Variants in ITGA4 observed in about 807,000 individuals in gnomAD.
ITGA4 encodes the protein integrin subunit alpha 4.
Under a neutral mutation model 133.6 loss-of-function variants are expected in ITGA4, and 63 were observed. The observed-to-expected ratio is 0.47, with a 90% CI of 0.38 to 0.58. The LOEUF is 0.58. Ranked by LOEUF, ITGA4 falls within the 20% of genes least tolerant of loss-of-function variation. The pLI is 0.00. For missense variants in ITGA4, 1,076 were observed against 1,252.7 expected, an observed-to-expected ratio of 0.86 and a Z score of 2.13; for synonymous variants, 483 against 438.0, an observed-to-expected ratio of 1.10 and a Z score of -1.28.
At chr2:181,505,498 A>G (rs539930344) in intron 15 of ITGA4, among the ~76,000 whole-genome samples, 72 of 152,146 alleles carry the variant, frequency 4.7e-4, no homozygotes, top group African/African-American at 1.7e-3. Flanking sequence ...GTGGCATGGA[A>G]TCTTCATTAT....
intron 15 of ITGA4, among the ~76,000 whole-genome samples, chr2:181,507,279 A>G (rs1215636987): frequency 6.6e-6 from 1 of 152,098 alleles, no homozygotes; most frequent in African/African-American, 2.4e-5. Context: ...GATCATTTCT[A>G]CTTTTAATTT....
intron 9 of ITGA4, among the ~76,000 whole-genome samples, chr2:181,483,490 T>C (rs1685850098): frequency 6.6e-6 from 1 of 152,210 alleles, no homozygotes. Context: ...CAAGAAAGTA[T>C]TTGTAACTAT....
chr2:181,535,089 A>G (rs1032149682), intron 27 of ITGA4, among the ~76,000 whole-genome samples, 154 bp downstream of exon 27: 2 of 151,828 alleles, frequency 1.3e-5, no homozygotes, highest in African/African-American at 4.9e-5. Context: ...CTTCAACACC[A>G]AAGTCTTTCT....
intron 17 of ITGA4, 54 bp from the exon 18 acceptor site, chr2:181,522,137 G>C (rs866163237): frequency 1.8e-6 from 2 of 1,118,828 alleles, no homozygotes; most frequent in Non-Finnish European, 2.6e-6. Context: ...GCATATAAGA[G>C]AGAGGGATTT....
At position 181,534,797 on chromosome 2, in the gene ITGA4, T is replaced by C; in HGVS notation, c.2884-19T>C. On this transcript the variant is annotated intron_variant, in intron 26 of 27. Coordinates refer to ENST00000397033, the MANE Select transcript of ITGA4 (RefSeq NM_000885.6). ...TTTTTTTTTTGGTTTTTGAGTTTTA[T>C]TTTTCTTAACTCACGTAGGTTCTAC... The C allele has an allele frequency of 6.4e-7, 1 of 1,574,212 alleles. No homozygotes were observed. The highest frequency in any genetic ancestry group is 8.6e-7 in the Non-Finnish European group (1 of 1,166,774).
intron 14 of ITGA4, 57 bp from the exon 15 acceptor site, chr2:181,498,566 A>T (rs1686204511): frequency 4.6e-6 from 5 of 1,097,046 alleles, no homozygotes; most frequent in Non-Finnish European, 6.6e-6. Flanking sequence ...CACTTCAAAA[A>T]TAACAATAGA....
chr2:181,477,336 T>C (rs1213303130), intron 4 of ITGA4, among the ~76,000 whole-genome samples: 1 of 151,850 alleles, frequency 6.6e-6, no homozygotes, highest in Non-Finnish European at 1.5e-5. Context: ...CACCAAAAGC[T>C]CAAACAACAA....
intron 2 of ITGA4, among the ~76,000 whole-genome samples, chr2:181,467,696 C>A (rs536694025): frequency 1.3e-5 from 2 of 152,238 alleles, no homozygotes; most frequent in African/African-American, 4.8e-5. Flanking sequence ...CAGCTAAAAG[C>A]TTCAGAAAGT....
chr2:181,520,575 C>T (rs1686696747), intron 17 of ITGA4, among the ~76,000 whole-genome samples: 1 of 151,942 alleles, frequency 6.6e-6, no homozygotes, highest in Admixed American at 6.6e-5. Flanking sequence ...AAACTCAATC[C>T]AAGTGAATTT....
In ITGA4 at chr2:181,482,429, T is replaced by C. The variant is rs770643312; in HGVS notation, c.903+7T>C. 7 of 1,613,024 alleles carry C rather than the reference T, an allele frequency of 4.3e-6. No individual in the cohort carries two copies. The East Asian group carries it at 1.1e-4, about 26-fold the overall frequency. ...TGAAATGAAAGGTAAAAAGGTAATATGTCTCTACCTTTAGTATCTCTGTGG... is the reference window on the plus strand; with the variant it reads ...TGAAATGAAAGGTAAAAAGGTAATACGTCTCTACCTTTAGTATCTCTGTGG... On this transcript the variant is annotated splice_region_variant and intron_variant, in intron 8 of 27. Coordinates refer to ENST00000397033, the MANE Select transcript of ITGA4 (RefSeq NM_000885.6).
chr2:181,465,553 A>G (rs778408237), intron 2 of ITGA4, among the ~76,000 whole-genome samples: 9 of 152,278 alleles, frequency 5.9e-5, no homozygotes, highest in Non-Finnish European at 7.4e-5. Context: ...AAAGATAGAC[A>G]AAGTGGCATC....
Position 181,458,258 on chromosome 2 carries a change from C to A in ITGA4, c.260C>A (p.Ala87Glu). ...AACGCTTCAGTGATCAATCCCGGGGCGATTTACAGATGCAGGATCGGAAAG... is the reference window on the plus strand; with the variant it reads ...AACGCTTCAGTGATCAATCCCGGGGAGATTTACAGATGCAGGATCGGAAAG... ...LANASVINPG[A>E]IYRCRIGKNP... Residue 87 changes from alanine to glutamate, a missense_variant, in exon 2 of 28, where the codon GCG becomes GAG. Physicochemically the swap from Ala to Glu is moderately radical, Grantham distance 107. Around this residue, in one of 4 missense-constraint regions of ITGA4, gnomAD observed 436 missense variants for 590.7 expected, o/e 0.74. Transcript: ENST00000397033. The A allele has an allele frequency of 6.2e-7, 1 of 1,613,422 alleles. No homozygotes were observed. Among genetic ancestry groups the A allele is most frequent in the Non-Finnish European group, 8.5e-7 (1 of 1,179,714 alleles).
Position 181,527,327 on chromosome 2 carries a change from A to C in ITGA4, c.2370A>C (p.Gly790=). Residue 790 remains glycine (G), a synonymous_variant, in exon 22 of 28, where the codon GGA becomes GGC. Transcript: ENST00000397033. Reference sequence around the variant, plus strand: ...TAAACCCAACTTCATTTGTGTATGGATCAAATGATGAAAATGAGCCTGAAA... The same window carrying C: ...TAAACCCAACTTCATTTGTGTATGGCTCAAATGATGAAAATGAGCCTGAAA... ...GFVNPTSFVY[G]SNDENEPETC... 1 of 1,612,370 alleles carries C rather than the reference A, an allele frequency of 6.2e-7. No homozygotes were observed. The highest frequency in any genetic ancestry group is 2.2e-5 in the East Asian group (1 of 44,810).
chr2:181,520,328 A>G (rs972890710), intron 17 of ITGA4, among the ~76,000 whole-genome samples: 54 of 152,100 alleles, frequency 3.6e-4, no homozygotes, highest in African/African-American at 1.3e-3. Flanking sequence ...GGTGTATTAG[A>G]TGCCTGTTTA....
chr2:181,513,952 G>T (rs1437091421), intron 17 of ITGA4, among the ~76,000 whole-genome samples: 1 of 152,056 alleles, frequency 6.6e-6, no homozygotes, highest in Non-Finnish European at 1.5e-5. Flanking sequence ...TGCAAAGCAG[G>T]GTCCTGTCAT....
chr2:181,499,194 T>TC (rs1389515873), intron 15 of ITGA4, among the ~76,000 whole-genome samples: 2 of 152,074 alleles, frequency 1.3e-5, no homozygotes, highest in African/African-American at 2.4e-5. Flanking sequence ...CGAAGCAGAA[T>TC]CCAACATGAC....
rs1321284158 is a variant in ITGA4, at chr2:181,538,614, T to C, written c.*3087T>C. 6.6e-6 allele frequency among the ~76,000 whole-genome samples: 1 copy of C among 152,120 alleles called. No homozygotes were observed. Among genetic ancestry groups the C allele is most frequent in the Non-Finnish European group, 1.5e-5 (1 of 68,014 alleles). ...CTAAACCTGTTTATACCAGTTGCTA[T>C]GTAAAATTGTTCCCAAGGGAAGTTG... On this transcript the variant is annotated 3_prime_UTR_variant, in exon 28 of 28. Coordinates refer to ENST00000397033, the MANE Select transcript of ITGA4 (RefSeq NM_000885.6).
At chr2:181,460,491 GT>G (rs1230103443) in intron 2 of ITGA4, among the ~76,000 whole-genome samples, 1 of 151,942 alleles carries the variant, frequency 6.6e-6, no homozygotes, top group East Asian at 1.9e-4. Flanking sequence ...TCTTAGGTTT[GT>G]GGGCTATGCA....
chr2:181,519,288 A>G (rs573860205), intron 17 of ITGA4, among the ~76,000 whole-genome samples: 1 of 152,278 alleles, frequency 6.6e-6, no homozygotes, highest in East Asian at 1.9e-4. Context: ...TTAAAAATCA[A>G]GGAGGGTGAG....
Sources: gnomAD v4.1 joint callset for allele counts (sites outside exome capture counted in the v4.1 genomes callset) on GRCh38, gnomAD v4.1.1 for gene constraint, gnomAD v4.1.1 regional missense constraint, MANE v1.5 for transcripts, NCBI Gene and HGNC (gene_info 2026-07-23, HGNC 2026-07-21) for gene names.